The following TUSC3 variants were observed in gnomAD, a reference collection of about 807,000 sequenced individuals.
TUSC3 encodes the protein dolichyl-diphosphooligosaccharide--protein glycosyltransferase subunit TUSC3.
Under a neutral mutation model 44.8 loss-of-function variants are expected in TUSC3, and 45 were observed. That is an observed-to-expected ratio of 1.00 (90% confidence interval 0.79 to 1.29). TUSC3 has a LOEUF of 1.29. TUSC3 is among the 50% of genes most tolerant of loss of function. The pLI, the probability that TUSC3 is intolerant of heterozygous loss-of-function variation, is 0.00. For missense variants in TUSC3, 519 were observed against 437.9 expected (o/e 1.19, Z -1.65); for synonymous variants, 212 against 152.9 (o/e 1.39, Z -2.85).
chr8:15,720,412 G>A (rs1026083468), intron 6 of TUSC3, among the ~76,000 whole-genome samples: 1 of 152,006 alleles, frequency 6.6e-6, no homozygotes, highest in African/African-American at 2.4e-5. Context: ...GTTAAACCCA[G>A]TCTGAAGGCC....
chr8:15,626,015 A>G (rs1257136128), intron 2 of TUSC3, among the ~76,000 whole-genome samples: 4 of 152,218 alleles, frequency 2.6e-5, no homozygotes, highest in East Asian at 3.9e-4. Context: ...GGCCACTGCT[A>G]TAGTTCCAGC....
Position 15,642,352 on chromosome 8 carries a change from G to C in TUSC3, c.309-8345G>C, listed in dbSNP as rs75995674. On this transcript the variant is annotated intron_variant, in intron 2 of 10. Transcript: ENST00000503731. ...AGAATCTAAAACTCCTCTAAAAATA[G>C]TCTATTAAAAATAAGTTTGATGAGA... 3.9e-5 allele frequency among the ~76,000 whole-genome samples: 6 copies of C among 152,118 alleles called. No individual in the cohort carries two copies. In the East Asian group the frequency reaches 1.2e-3, roughly 29 times the overall value.
At chr8:15,741,942 A>G (rs187271452) in intron 7 of TUSC3, among the ~76,000 whole-genome samples, 1 of 152,266 alleles carries the variant, frequency 6.6e-6, no homozygotes, top group Admixed American at 6.5e-5. Flanking sequence ...TTTTAGTGAA[A>G]CAAGTTTTTA....
chr8:15,675,821 T>G (rs1808164067), intron 6 of TUSC3, among the ~76,000 whole-genome samples: 2 of 152,212 alleles, frequency 1.3e-5, no homozygotes, highest in South Asian at 4.1e-4. Flanking sequence ...TACCACATTT[T>G]CTTTATCCAC....
At chr8:15,617,753 C>G (rs146578592) in intron 1 of TUSC3, among the ~76,000 whole-genome samples, 158 of 152,300 alleles carry the variant, frequency 1.0e-3, no homozygotes, top group African/African-American at 3.5e-3. Context: ...GTAATGCAGT[C>G]AAGTTCAGTT....
At chr8:15,419,804 C>T (rs1799715922) in intron 1 of TUSC3, among the ~76,000 whole-genome samples, 1 of 152,082 alleles carries the variant, frequency 6.6e-6, no homozygotes, top group Non-Finnish European at 1.5e-5. Context: ...TATTTCTCAG[C>T]CCATTGTATG....
intron 6 of TUSC3, among the ~76,000 whole-genome samples, chr8:15,715,916 G>A (rs1810038691): frequency 6.6e-6 from 1 of 151,976 alleles, no homozygotes; most frequent in South Asian, 2.1e-4. Flanking sequence ...AAAATGCAAA[G>A]ATCTTAAATA....
At chr8:15,808,553 C>T in the TUSC3 span, among the ~76,000 whole-genome samples, 3 of 152,158 alleles carry the variant, frequency 2.0e-5, no homozygotes, top group Admixed American at 6.5e-5. Flanking sequence ...ATTCTCTTAC[C>T]GAACATCTTT....
At chr8:15,720,918 G>C (rs1810277786) in intron 6 of TUSC3, among the ~76,000 whole-genome samples, 1 of 151,990 alleles carries the variant, frequency 6.6e-6, no homozygotes, top group South Asian at 2.1e-4. Context: ...GGCCACCCAG[G>C]GTTCTTGTCA....
intron 1 of TUSC3, among the ~76,000 whole-genome samples, chr8:15,426,400 A>C (rs1238267271): frequency 6.6e-6 from 1 of 152,174 alleles, no homozygotes; most frequent in African/African-American, 2.4e-5. Flanking sequence ...AAAATTCCCC[A>C]GTTTCCCCAA....
intron 3 of TUSC3, among the ~76,000 whole-genome samples, chr8:15,656,194 G>C (rs1308219758): frequency 6.6e-6 from 1 of 151,966 alleles, no homozygotes; most frequent in East Asian, 2.0e-4. Context: ...CTCACACTCA[G>C]AATACATTCA....
chr8:15,618,300 A>G (rs1194545596), intron 1 of TUSC3, among the ~76,000 whole-genome samples: 3 of 152,058 alleles, frequency 2.0e-5, no homozygotes, highest in Admixed American at 1.3e-4. Flanking sequence ...AAAGTTTTTA[A>G]TTTTTTTTAA....
intron 6 of TUSC3, among the ~76,000 whole-genome samples, chr8:15,697,170 A>G (rs1343643097): frequency 6.6e-6 from 1 of 151,508 alleles, no homozygotes; most frequent in Non-Finnish European, 1.5e-5. Context: ...TTTTGTCTCT[A>G]TTTTTCTTGG....
intron 2 of TUSC3, among the ~76,000 whole-genome samples, chr8:15,495,509 C>A (rs530267597): frequency 2.6e-5 from 4 of 152,172 alleles, no homozygotes; most frequent in African/African-American, 9.7e-5. Context: ...CTACCTCTAG[C>A]AAGGCCCCAA....
chr8:15,588,388 C>G (rs1412343627), intron 1 of TUSC3, among the ~76,000 whole-genome samples: 2 of 151,938 alleles, frequency 1.3e-5, no homozygotes, highest in African/African-American at 4.8e-5. Flanking sequence ...AGATCTTTTG[C>G]TCATTTTAGT....
chr8:15,774,483 A>C, the TUSC3 span, among the ~76,000 whole-genome samples: 1 of 152,168 alleles, frequency 6.6e-6, no homozygotes, highest in Admixed American at 6.5e-5. Context: ...ATTGCCAGCA[A>C]ACCAATAGCT....
the TUSC3 span, among the ~76,000 whole-genome samples, chr8:15,851,148 G>A: frequency 6.6e-6 from 1 of 152,156 alleles, no homozygotes; most frequent in Non-Finnish European, 1.5e-5. Context: ...TTCATCCTCT[G>A]GCCTTCAAAA....
chr8:15,794,602 A>G, the TUSC3 span, among the ~76,000 whole-genome samples: 2 of 152,336 alleles, frequency 1.3e-5, no homozygotes, highest in East Asian at 3.9e-4. Flanking sequence ...TAGCATAGCC[A>G]GAATAACAGG....
chr8:15,835,573 T>C, the TUSC3 span, among the ~76,000 whole-genome samples: 1 of 152,188 alleles, frequency 6.6e-6, no homozygotes, highest in Admixed American at 6.5e-5. Flanking sequence ...ATTCCCCTCA[T>C]ATCTTGTTGA....
Sources: allele counts gnomAD v4.1 joint callset (sites outside exome capture counted in the v4.1 genomes callset), GRCh38; gene constraint gnomAD v4.1.1; transcripts MANE v1.5; gene names NCBI Gene and HGNC (gene_info 2026-07-23, HGNC 2026-07-21).